Variants in SAMSN1 observed in about 807,000 individuals in gnomAD.
The protein encoded by SAMSN1 is SAM domain-containing protein SAMSN-1.
SAMSN1 carries 31 observed loss-of-function variants against 42.0 expected under a neutral mutation model. The ratio of observed to expected loss-of-function variants is 0.74; its 90% CI spans 0.55 to 1.00. The LOEUF is 1.00. SAMSN1 is among the 50% of genes least tolerant of loss of function. The pLI is 0.00. For synonymous variants in SAMSN1, 178 were observed against 151.9 expected (o/e 1.17, Z -1.26); for missense variants, 464 against 439.4 (o/e 1.06, Z -0.50).
chr21:14,527,876 C>T (rs528941771), intron 1 of SAMSN1, among the ~76,000 whole-genome samples: 3 of 151,508 alleles, frequency 2.0e-5, no homozygotes, highest in Admixed American at 6.6e-5. Flanking sequence ...AAATGTACAA[C>T]AATATCTCAT....
intron 1 of SAMSN1, chr21:14,658,645 T>C (rs1321054437): frequency 1.5e-6 from 1 of 674,520 alleles, no homozygotes; most frequent in African/African-American, 1.8e-5. Flanking sequence ...GCTAAGTGTA[T>C]GAATATCATC....
chr21:14,512,349 A>T lies in SAMSN1; in HGVS notation c.409+95T>A, dbSNP rs560698097. On this transcript the variant is annotated intron_variant, in intron 4 of 7. Coordinates refer to ENST00000400566, the MANE Select transcript of SAMSN1 (RefSeq NM_022136.5). ...ATTTTTACCATTTCTCTTATCAAGTAGCTGGAACCTTGTGGCTGATTTAAC... is the reference window on the plus strand; with the variant it reads ...ATTTTTACCATTTCTCTTATCAAGTTGCTGGAACCTTGTGGCTGATTTAAC... The T allele has an allele frequency of 1.0e-5, 13 of 1,279,846 alleles. No homozygotes were observed. In the South Asian group the frequency reaches 1.6e-4, roughly 16 times the overall value. The allele number at this position is 1,279,846 out of a possible 1,614,324, so 79.3% of individuals were successfully genotyped here.
chr21:14,568,068 C>T (rs760347), intron 2 of SAMSN1, among the ~76,000 whole-genome samples: 46,037 of 151,968 alleles, frequency 0.3, 7,354 homozygotes, highest in East Asian at 0.48. Flanking sequence ...TCTAGAAATT[C>T]TGATTGAGTA....
intron 5 of SAMSN1, among the ~76,000 whole-genome samples, chr21:14,606,034 G>T (rs1274083661): frequency 1.3e-5 from 2 of 151,818 alleles, no homozygotes; most frequent in Non-Finnish European, 2.9e-5. Flanking sequence ...TAGAGACGGG[G>T]TTTCACTGTG....
At chr21:14,510,784 A>AAGTTCCCTACAATTTCCTCCCCAG (rs1987656473) in intron 4 of SAMSN1, among the ~76,000 whole-genome samples, 1 of 152,232 alleles carries the variant, frequency 6.6e-6, no homozygotes. Flanking sequence ...TCACATTACA[A>AAGTTCCCTACAATTTCCTCCCCAG]AGTTCCCTAC....
chr21:14,636,753 G>A (rs555016688), intron 2 of SAMSN1, among the ~76,000 whole-genome samples: 353 of 152,230 alleles, frequency 2.3e-3, no homozygotes, highest in Middle Eastern at 6.8e-3. Flanking sequence ...GGAGGCTGAG[G>A]CGGTGGCGGG....
rs150726642 is a variant in SAMSN1 at position 14,506,518 on chromosome 21, C to G, written c.561+3792G>C. On this transcript the variant is annotated intron_variant, in intron 5 of 7. Coordinates refer to ENST00000400566, the MANE Select transcript of SAMSN1 (RefSeq NM_022136.5). ...GGAAAAATTAGATACCCGGAATAGA[C>G]CAATAACAATCAATGATATTGAAAT... Among the ~76,000 whole-genome samples the G allele has an allele frequency of 9.9e-5, 15 of 152,168 alleles. 1 individual carries two copies. The highest frequency in any genetic ancestry group is 9.6e-4 in the East Asian group (5 of 5,184).
At chr21:14,636,777 T>C (rs1295320317) in intron 2 of SAMSN1, among the ~76,000 whole-genome samples, 2 of 151,942 alleles carry the variant, frequency 1.3e-5, no homozygotes, top group African/African-American at 2.4e-5. Flanking sequence ...GGGGGTGGAA[T>C]TGCTTGAACC....
rs182426195 is a variant in SAMSN1 at position 14,652,732 on chromosome 21, A to G, written c.24+6016T>C. On this transcript the variant is annotated intron_variant, in intron 1 of 15. Coordinates refer to the SAMSN1 transcript ENST00000647101. ...TTCCGCACAGAAAAAGATATAATCA[A>G]CAAAGTGAAGAAACAACCCACAGAA... is the stretch of plus-strand genomic sequence containing the variant. Among the ~76,000 whole-genome samples the G allele has an allele frequency of 1.8e-4, 28 of 152,176 alleles. No individual in the cohort carries two copies. The Middle Eastern group carries it at 0.01, about 55-fold the overall frequency.
intron 5 of SAMSN1, among the ~76,000 whole-genome samples, chr21:14,503,445 C>A (rs541226251): frequency 7.7e-4 from 117 of 152,110 alleles, no homozygotes; most frequent in Non-Finnish European, 1.5e-3. Flanking sequence ...GAACCCTGAG[C>A]CTCAGGTGAG....
At chr21:14,522,262 A>C (rs8128692) in intron 1 of SAMSN1, among the ~76,000 whole-genome samples, 29,343 of 152,134 alleles carry the variant, frequency 0.19, 3,296 homozygotes, top group African/African-American at 0.31. Flanking sequence ...TGAATCCCTT[A>C]AACATATTTT....
intron 2 of SAMSN1, among the ~76,000 whole-genome samples, chr21:14,576,703 C>CA (rs1981478800): frequency 6.6e-6 from 1 of 152,006 alleles, no homozygotes; most frequent in African/African-American, 2.4e-5. Context: ...TACAAGATTC[C>CA]AAAAAAAGTC....
intron 2 of SAMSN1, among the ~76,000 whole-genome samples, chr21:14,571,103 T>C (rs1284828777): frequency 6.6e-6 from 1 of 152,222 alleles, no homozygotes; most frequent in Admixed American, 6.6e-5. Context: ...ATTATTGGCC[T>C]TCACAGAACC....
intron 2 of SAMSN1, among the ~76,000 whole-genome samples, chr21:14,554,432 A>G (rs1980693837): frequency 6.6e-6 from 1 of 152,176 alleles, no homozygotes; most frequent in Non-Finnish European, 1.5e-5. Context: ...AATACTTGGA[A>G]TATATTCCAT....
intron 1 of SAMSN1, among the ~76,000 whole-genome samples, chr21:14,525,686 C>T (rs574427658): frequency 3.3e-5 from 5 of 152,244 alleles, no homozygotes; most frequent in Admixed American, 2.6e-4. Context: ...GAGGAAGAAA[C>T]ACAATTGGCC....
chr21:14,630,577 A>C (rs1983303395), intron 2 of SAMSN1, among the ~76,000 whole-genome samples: 1 of 152,214 alleles, frequency 6.6e-6, no homozygotes, highest in South Asian at 2.1e-4. Flanking sequence ...AAAGGTGTTC[A>C]TATGTGAATT....
intron 6 of SAMSN1, among the ~76,000 whole-genome samples, chr21:14,599,501 C>G (rs559338575): frequency 1.3e-5 from 2 of 152,122 alleles, no homozygotes; most frequent in Non-Finnish European, 2.9e-5. Flanking sequence ...TACTTAGCCT[C>G]GGGTATTTCT....
At chr21:14,577,441 G>C (rs1047824288) in intron 2 of SAMSN1, among the ~76,000 whole-genome samples, 3 of 150,482 alleles carry the variant, frequency 2.0e-5, no homozygotes, top group African/African-American at 7.3e-5. Flanking sequence ...AAAATAATTT[G>C]TTTATCCTTA....
At chr21:14,508,264 A>G (rs1987510130) in intron 5 of SAMSN1, among the ~76,000 whole-genome samples, 1 of 152,252 alleles carries the variant, frequency 6.6e-6, no homozygotes, top group South Asian at 2.1e-4. Context: ...AGCAGAGCAA[A>G]CAGACAACCC....
Sources: gnomAD v4.1 joint callset for allele counts (sites outside exome capture counted in the v4.1 genomes callset) on GRCh38, gnomAD v4.1.1 for gene constraint, MANE v1.5 for transcripts, NCBI Gene and HGNC (gene_info 2026-07-23, HGNC 2026-07-21) for gene names.